The following RBM18 variants were observed in gnomAD, a reference collection of about 807,000 sequenced individuals.
The protein encoded by RBM18 is probable RNA-binding protein 18.
In RBM18, 18 loss-of-function variants were observed where a neutral mutation model predicts 26.4. The observed-to-expected ratio is 0.68, with a 90% confidence interval of 0.47 to 1.01. The LOEUF (loss-of-function observed/expected upper bound fraction) is 1.01. Ranked by LOEUF, RBM18 falls within the 50% of genes least tolerant of loss-of-function variation. The pLI is 0.00. For missense variants in RBM18, 180 were observed against 219.2 expected, an observed-to-expected ratio of 0.82 and a Z score of 1.13; for synonymous variants, 74 against 81.1, an observed-to-expected ratio of 0.91 and a Z score of 0.47.
intron 2 of RBM18, among the ~76,000 whole-genome samples, chr9:122,258,337 C>T (rs1001287127): frequency 6.6e-6 from 1 of 151,310 alleles, no homozygotes; most frequent in East Asian, 1.9e-4. Context: ...GGTGTGATCT[C>T]GGCTCACTGC....
At chr9:122,248,133 C>T (rs1169386635) in intron 3 of RBM18, among the ~76,000 whole-genome samples, 1 of 152,088 alleles carries the variant, frequency 6.6e-6, no homozygotes, top group African/African-American at 2.4e-5. Context: ...TCCTGGTCTG[C>T]CATTTGCTGG....
At chr9:122,246,078 G>T (rs1476170044) in intron 4 of RBM18, among the ~76,000 whole-genome samples, 7 of 152,206 alleles carry the variant, frequency 4.6e-5, no homozygotes, top group African/African-American at 4.8e-5. Flanking sequence ...AATAAAAGTT[G>T]TAACAGCTTT....
rs571438324 is a variant in RBM18, at chr9:122,249,531, G to A, written c.241-1927C>T. On this transcript the variant is annotated intron_variant, in intron 3 of 5. Coordinates refer to ENST00000417201, the MANE Select transcript of RBM18 (RefSeq NM_033117.4). Reference sequence around the variant, plus strand: ...AGTTTGATCAGCCTGACAACATGGCGAACCCCCGCTTCTACAAAAAATACA... The same window carrying A: ...AGTTTGATCAGCCTGACAACATGGCAAACCCCCGCTTCTACAAAAAATACA... 3.3e-3 allele frequency among the ~76,000 whole-genome samples: 502 copies of A among 151,932 alleles called. 1 individual carries two copies. The highest frequency in any genetic ancestry group is 4.1e-3 in the Non-Finnish European group (278 of 67,962).
At chr9:122,260,523 G>T (rs1227534513) in intron 2 of RBM18, among the ~76,000 whole-genome samples, 2 of 152,116 alleles carry the variant, frequency 1.3e-5, no homozygotes, top group East Asian at 1.9e-4. Flanking sequence ...CATCTTAATG[G>T]CTGTGATGTA....
intron 2 of RBM18, among the ~76,000 whole-genome samples, chr9:122,258,418 G>A (rs1408801476): frequency 6.6e-6 from 1 of 151,912 alleles, no homozygotes; most frequent in Non-Finnish European, 1.5e-5. Context: ...ACAGGCAACC[G>A]CCACCACGCC....
At chr9:122,257,811 A>G (rs759187463) in intron 2 of RBM18, among the ~76,000 whole-genome samples, 1 of 152,230 alleles carries the variant, frequency 6.6e-6, no homozygotes, top group Non-Finnish European at 1.5e-5. Context: ...AGGGACACAT[A>G]TAAGAAAGAG....
rs1831385098 is a variant in RBM18, at chr9:122,239,875, A to T, written c.*2009T>A. 6.6e-6 allele frequency: 1 copy of T among 152,246 alleles called. No homozygotes were observed. Among genetic ancestry groups the T allele is most frequent in the Non-Finnish European group, 1.5e-5 (1 of 68,048 alleles). 9.4% of individuals were successfully genotyped at this position (152,246 alleles called of 1,614,324 possible). A position where few individuals can be genotyped will look rare whatever the true frequency, so the allele number is the denominator to read the frequency against. ...CCTCTCAGTTTGACTCTCTAGCCAG[A>T]ACCCTCTGCAGAGAAGGCACTTAGA... On this transcript the variant is annotated 3_prime_UTR_variant, in exon 6 of 6. Coordinates refer to ENST00000417201, the MANE Select transcript of RBM18 (RefSeq NM_033117.4).
intron 2 of RBM18, among the ~76,000 whole-genome samples, chr9:122,253,149 G>A (rs570622402): frequency 2.6e-5 from 4 of 152,274 alleles, no homozygotes; most frequent in South Asian, 2.1e-4. Flanking sequence ...TAAAGTTGTC[G>A]TTATAGCCAC....
chr9:122,254,216 C>A, intron 2 of RBM18: 1 of 304,074 alleles, frequency 3.3e-6, no homozygotes, highest in Non-Finnish European at 4.8e-6. Flanking sequence ...AACACACACA[C>A]CAACAAAAGA....
chr9:122,255,097 T>C (rs572864016), intron 2 of RBM18, among the ~76,000 whole-genome samples: 1 of 152,328 alleles, frequency 6.6e-6, no homozygotes, highest in South Asian at 2.1e-4. Context: ...TTGTAGGCAA[T>C]TGGAAGCCCA....
intron 4 of RBM18, among the ~76,000 whole-genome samples, chr9:122,246,220 C>G (rs952537810): frequency 6.6e-6 from 1 of 152,122 alleles, no homozygotes; most frequent in Non-Finnish European, 1.5e-5. Flanking sequence ...GTTGCATAGG[C>G]TGGTCTTGAA....
chr9:122,247,394 G>A (rs1283116476), intron 4 of RBM18, 124 bp downstream of exon 4: 1 of 773,138 alleles, frequency 1.3e-6, no homozygotes, highest in South Asian at 1.5e-5. Context: ...GATACAAGTA[G>A]GAGACTGAAG....
chr9:122,241,849 C>T lies in RBM18; in HGVS notation c.*35G>A. 1 of 1,604,288 alleles carries T rather than the reference C, an allele frequency of 6.2e-7. No individual in the cohort carries two copies. Among genetic ancestry groups the T allele is most frequent in the Non-Finnish European group, 8.5e-7 (1 of 1,174,160 alleles). ...GGCAGACGATTTTAGGTGTGGAGACCAATTTGCTTTTGCTGCTACAGTAAT... is the reference window on the plus strand; with the variant it reads ...GGCAGACGATTTTAGGTGTGGAGACTAATTTGCTTTTGCTGCTACAGTAAT... On this transcript the variant is annotated 3_prime_UTR_variant, in exon 6 of 6. Transcript: ENST00000417201.
At chr9:122,242,584 C>A (rs1297546800) in intron 5 of RBM18, among the ~76,000 whole-genome samples, 3 of 151,682 alleles carry the variant, frequency 2.0e-5, no homozygotes, top group African/African-American at 7.3e-5. Context: ...TCTCTTTTTA[C>A]TGATGAATGC....
chr9:122,255,436 G>GTC (rs1422917350), intron 2 of RBM18, among the ~76,000 whole-genome samples: 2 of 152,180 alleles, frequency 1.3e-5, no homozygotes, highest in Non-Finnish European at 2.9e-5. Context: ...ATCCCTGAAA[G>GTC]TCTGTACCAG....
At chr9:122,253,606 C>T (rs1212694361) in intron 2 of RBM18, among the ~76,000 whole-genome samples, 1 of 151,652 alleles carries the variant, frequency 6.6e-6, no homozygotes, top group African/African-American at 2.4e-5. Flanking sequence ...CAAAGATGGG[C>T]GAGAAGAGTC....
intron 4 of RBM18, 74 bp downstream of exon 4, chr9:122,247,444 G>A: frequency 8.0e-7 from 1 of 1,254,618 alleles, no homozygotes; most frequent in Non-Finnish European, 1.2e-6. Context: ...GACATAAACG[G>A]GTAAGTGGAC....
chr9:122,260,568 C>T (rs920427351), intron 2 of RBM18, among the ~76,000 whole-genome samples: 1 of 152,128 alleles, frequency 6.6e-6, no homozygotes, highest in African/African-American at 2.4e-5. Context: ...CAATCAATTT[C>T]GTGAACTCGG....
chr9:122,258,547 G>A (rs919417552), intron 2 of RBM18, among the ~76,000 whole-genome samples: 6 of 152,172 alleles, frequency 3.9e-5, no homozygotes, highest in Non-Finnish European at 7.4e-5. Flanking sequence ...GATTACAGGT[G>A]TGAACCACCG....
Sources: allele counts gnomAD v4.1 joint callset (sites outside exome capture counted in the v4.1 genomes callset), GRCh38; gene constraint gnomAD v4.1.1; transcripts MANE v1.5; gene names NCBI Gene and HGNC (gene_info 2026-07-23, HGNC 2026-07-21).